Variants in PYHIN1 observed in about 807,000 individuals in gnomAD.
PYHIN1 encodes pyrin and HIN domain-containing protein 1.
A neutral mutation model predicts 43.7 loss-of-function variants in PYHIN1; 32 were observed. The ratio of observed to expected loss-of-function variants is 0.73; its 90% CI spans 0.55 to 0.98. PYHIN1 has a LOEUF of 0.98. Among genes scored for constraint, PYHIN1 ranks in the 50% least tolerant of loss-of-function variants. The probability of loss-of-function intolerance (pLI) is 0.00; values close to 1 mark genes in which losing one functional copy is unlikely to be tolerated. For synonymous variants in PYHIN1, 205 were observed against 203.1 expected (o/e 1.01, Z -0.08); for missense variants, 588 against 589.5 (o/e 1.00, Z 0.03).
intron 7 of PYHIN1, among the ~76,000 whole-genome samples, chr1:158,950,763 T>C (rs1196653307): frequency 6.6e-6 from 1 of 152,116 alleles, no homozygotes; most frequent in Non-Finnish European, 1.5e-5. Flanking sequence ...TTTTTAAGGG[T>C]GGAGTCGGCA....
At chr1:158,941,794 T>C (rs1557826190) in intron 4 of PYHIN1, among the ~76,000 whole-genome samples, 183 bp from the exon 5 acceptor site, 1 of 152,218 alleles carries the variant, frequency 6.6e-6, no homozygotes, top group Non-Finnish European at 1.5e-5. Flanking sequence ...TGTGGTCTCC[T>C]ATATTACTTC....
chr1:158,979,716 T>C (rs1441746883), downstream of PYHIN1, among the ~76,000 whole-genome samples: 1 of 152,158 alleles, frequency 6.6e-6, no homozygotes, highest in Non-Finnish European at 1.5e-5. Flanking sequence ...GGTCATATGG[T>C]ATTCATATTT....
chr1:158,971,827 A>C (rs1480853079), intron 7 of PYHIN1, among the ~76,000 whole-genome samples: 1 of 151,978 alleles, frequency 6.6e-6, no homozygotes, highest in African/African-American at 2.4e-5. Context: ...GCCAGGACCC[A>C]ATCACACACC....
chr1:158,947,247 A>C (rs528422517), intron 7 of PYHIN1, among the ~76,000 whole-genome samples: 58 of 152,312 alleles, frequency 3.8e-4, no homozygotes, highest in African/African-American at 1.4e-3. Context: ...ATGTTCATGA[A>C]ATCATTCCTG....
rs368318427 is a variant in PYHIN1, at chr1:158,939,161, G to A, written c.493G>A (p.Ala165Thr). ...SKEQTRPSCS[A>T]GASTSTAMGR... is the part of the protein sequence containing the mutation. ...AGAGCAGACTCGGCCTTCCTGCTCT[G>A]CAGGAGCCAGCACGTCCACAGCCAT... Residue 165 changes from alanine (A) to threonine (T), a missense_variant, in exon 4 of 9, where the codon GCA (alanine) becomes ACA (threonine). Coordinates refer to ENST00000368140, the MANE Select transcript of PYHIN1 (RefSeq NM_152501.5). The A allele has an allele frequency of 5.3e-5, 85 of 1,613,818 alleles. No individual in the cohort carries two copies. Among genetic ancestry groups the A allele is most frequent in the Non-Finnish European group, 1.5e-5 (18 of 1,179,964 alleles).
At chr1:158,974,187 T>C (rs1651109756) in intron 8 of PYHIN1, among the ~76,000 whole-genome samples, 1 of 152,034 alleles carries the variant, frequency 6.6e-6, no homozygotes. Flanking sequence ...TGGCATATGC[T>C]ACTTCCTTTT....
Position 158,943,904 on chromosome 1 carries a change from C to A in PYHIN1, c.1117C>A (p.Arg373=). The change falls in exon 6 of 9, where the codon CGA becomes AGA. Residue 373 remains arginine (R), a synonymous_variant. Transcript: ENST00000368140. ...NIPCEKGDKL[R]LFCFRLRKRE... ...CCCCTGTGAAAAAGGAGATAAGCTT[C>A]GACTCTTCTGCTTTCGACTGAGAAA... is the stretch of plus-strand genomic sequence containing the variant. 1 of 1,608,472 alleles carries A rather than the reference C, an allele frequency of 6.2e-7. No individual in the cohort carries two copies. The highest frequency in any genetic ancestry group is 8.5e-7 in the Non-Finnish European group (1 of 1,176,108).
chr1:158,947,654 T>A (rs1044588239), intron 7 of PYHIN1, among the ~76,000 whole-genome samples: 1 of 152,216 alleles, frequency 6.6e-6, no homozygotes, highest in Non-Finnish European at 1.5e-5. Context: ...TCCAGACCCA[T>A]CACAGACACC....
intron 5 of PYHIN1, among the ~76,000 whole-genome samples, 189 bp from the exon 6 acceptor site, chr1:158,943,601 G>T (rs1354995651): frequency 2.0e-5 from 3 of 152,066 alleles, no homozygotes; most frequent in Non-Finnish European, 4.4e-5. Flanking sequence ...GAACATTAAG[G>T]ACTTAAACAA....
At chr1:158,934,876 C>T (rs1247127050) in intron 1 of PYHIN1, among the ~76,000 whole-genome samples, 1 of 152,096 alleles carries the variant, frequency 6.6e-6, no homozygotes, top group Non-Finnish European at 1.5e-5. Context: ...ATTACAGGCA[C>T]CCACCACCAT....
chr1:158,951,484 T>C (rs1290060623), intron 7 of PYHIN1, among the ~76,000 whole-genome samples: 1 of 152,142 alleles, frequency 6.6e-6, no homozygotes, highest in Non-Finnish European at 1.5e-5. Context: ...TGGAAAAAGT[T>C]TCCAAGGACA....
chr1:158,959,045 G>A (rs952969182), intron 7 of PYHIN1, among the ~76,000 whole-genome samples: 1 of 150,960 alleles, frequency 6.6e-6, no homozygotes, highest in Non-Finnish European at 1.5e-5. Flanking sequence ...AATCCCAAGC[G>A]GGCACTAATG....
intron 7 of PYHIN1, among the ~76,000 whole-genome samples, chr1:158,948,691 C>G (rs188011941): frequency 1.3e-5 from 2 of 152,220 alleles, no homozygotes; most frequent in Non-Finnish European, 2.9e-5. Flanking sequence ...GCCAGGATGA[C>G]TATGGCTGAG....
At chr1:158,964,484 CAGGTCACTGGGA>C (rs1650506899) in intron 7 of PYHIN1, among the ~76,000 whole-genome samples, 1 of 152,138 alleles carries the variant, frequency 6.6e-6, no homozygotes, top group Non-Finnish European at 1.5e-5. Flanking sequence ...AGAGAAGGGG[CAGGTCACTGGGA>C]AGGTCACCTA....
chr1:158,970,284 A>T (rs546408049), intron 7 of PYHIN1, among the ~76,000 whole-genome samples: 1 of 152,004 alleles, frequency 6.6e-6, no homozygotes, highest in Non-Finnish European at 1.5e-5. Flanking sequence ...TTTATATTTT[A>T]TTATGTATAT....
chr1:158,952,990 A>G (rs113781167), intron 7 of PYHIN1, among the ~76,000 whole-genome samples: 1 of 152,082 alleles, frequency 6.6e-6, no homozygotes, highest in Non-Finnish European at 1.5e-5. Flanking sequence ...GAAAGGGGTG[A>G]TCGACGCACC....
rs138428191 is a variant in PYHIN1, at chr1:158,976,993, A to C, written c.*298A>C. The C allele has an allele frequency of 7.5e-4, 151 of 201,700 alleles. 1 individual carries two copies. The highest frequency in any genetic ancestry group is 5.8e-5 in the Non-Finnish European group (6 of 104,330). 12.5% of individuals were successfully genotyped at this position (201,700 alleles called of 1,614,324 possible). A position where few individuals can be genotyped will look rare whatever the true frequency, so the allele number is the denominator to read the frequency against. The stretch of plus-strand genomic sequence containing the variant: ...AGTTTTACTTTTATGCATTTTCTTC[A>C]TATCATATTTTGCATTCAGAATTTT... On this transcript the variant is annotated 3_prime_UTR_variant, in exon 9 of 9. Coordinates refer to ENST00000368140, the MANE Select transcript of PYHIN1 (RefSeq NM_152501.5).
chr1:158,985,760 G>T, the PYHIN1 span, among the ~76,000 whole-genome samples: 28 of 152,150 alleles, frequency 1.8e-4, no homozygotes, highest in Non-Finnish European at 3.1e-4. Context: ...CAAGTTGCTT[G>T]GTCTCTCTCC....
At chr1:158,990,368 T>C in the PYHIN1 span, among the ~76,000 whole-genome samples, 6,247 of 152,186 alleles carry the variant, frequency 0.041, 349 homozygotes, top group East Asian at 0.26. Context: ...AATAATCTAT[T>C]ATTTCTTTTT....
Sources: gnomAD v4.1 joint callset for allele counts (sites outside exome capture counted in the v4.1 genomes callset) on GRCh38, gnomAD v4.1.1 for gene constraint, MANE v1.5 for transcripts, NCBI Gene and HGNC (gene_info 2026-07-23, HGNC 2026-07-21) for gene names.